The following WIPI2 variants were observed in gnomAD, a reference collection of about 807,000 sequenced individuals.
The protein encoded by WIPI2 is WD repeat domain phosphoinositide-interacting protein 2.
Under a neutral mutation model 52.3 loss-of-function variants are expected in WIPI2, and 28 were observed. The observed-to-expected ratio is 0.54, with a 90% CI of 0.40 to 0.73. The LOEUF (loss-of-function observed/expected upper bound fraction) is 0.73. Ranked by LOEUF, WIPI2 falls within the 30% of genes least tolerant of loss-of-function variation. WIPI2 has a pLI of 0.00. For synonymous variants in WIPI2, 268 were observed against 245.0 expected, an observed-to-expected ratio of 1.09 and a Z score of -0.88; for missense variants, 506 against 602.9, an observed-to-expected ratio of 0.84 and a Z score of 1.68.
chr7:5,230,607 C>A lies in WIPI2; in HGVS notation c.1253-228C>A, dbSNP rs1783683979. 6.6e-6 allele frequency among the ~76,000 whole-genome samples: 1 copy of A among 152,204 alleles called. No individual in the cohort carries two copies. Among genetic ancestry groups the A allele is most frequent in the African/African-American group, 2.4e-5 (1 of 41,446 alleles). On this transcript the variant is annotated intron_variant, in intron 12 of 12. Transcript: ENST00000288828. The surrounding 1 kb of genome is among the most constrained non-coding windows in gnomAD (Gnocchi z 4.8). ...CATGAGGGAGCCTCTGTTTACTGTGCAGGCATCATTTTGACATTTATGAAT... is the reference window on the plus strand; with the variant it reads ...CATGAGGGAGCCTCTGTTTACTGTGAAGGCATCATTTTGACATTTATGAAT...
chr7:5,230,875 G>C lies in WIPI2; in HGVS notation c.1293G>C (p.Leu431=). The part of the protein sequence containing the change: ...DDLGAVGGAC[L]EDEASALRLD... ...TGGGTGCTGTGGGTGGCGCCTGCCTGGAGGACGAGGCCAGCGCCCTGCGCC... is the reference window on the plus strand; with the variant it reads ...TGGGTGCTGTGGGTGGCGCCTGCCTCGAGGACGAGGCCAGCGCCCTGCGCC... Residue 431 remains leucine, a synonymous_variant, in exon 13 of 13, where the codon CTG becomes CTC. Coordinates refer to ENST00000288828, the MANE Select transcript of WIPI2 (RefSeq NM_015610.4). The surrounding 1 kb of genome is among the most constrained non-coding windows in gnomAD (Gnocchi z 4.8). 6.2e-7 allele frequency: 1 copy of C among 1,613,880 alleles called. No homozygotes were observed. Among genetic ancestry groups the C allele is most frequent in the Non-Finnish European group, 8.5e-7 (1 of 1,179,892 alleles).
chr7:5,223,309 C>T (rs912471251), intron 8 of WIPI2, among the ~76,000 whole-genome samples: 2 of 152,180 alleles, frequency 1.3e-5, no homozygotes, highest in Non-Finnish European at 2.9e-5. Flanking sequence ...CGGCGGGACC[C>T]CACCTCAGGT....
chr7:5,225,998 G>T, intron 9 of WIPI2, 68 bp downstream of exon 9: 2 of 1,482,398 alleles, frequency 1.3e-6, no homozygotes, highest in Non-Finnish European at 1.8e-6. Flanking sequence ...CTGCCGGGAT[G>T]AGAGGTAAGC....
intron 3 of WIPI2, among the ~76,000 whole-genome samples, chr7:5,213,831 G>A (rs370254462): frequency 1.1e-4 from 16 of 152,076 alleles, no homozygotes; most frequent in South Asian, 4.2e-4. Context: ...GACTACAGGC[G>A]CCCGCCACCA....
chr7:5,219,409 A>C (rs1782977742), intron 7 of WIPI2, among the ~76,000 whole-genome samples: 1 of 151,988 alleles, frequency 6.6e-6, no homozygotes, highest in African/African-American at 2.4e-5. Flanking sequence ...GCTCTTATAA[A>C]GGCCCAAAAG....
Position 5,217,927 on chromosome 7 carries a change from T to A in WIPI2, c.582T>A (p.Ala194=). ...TATTGGTGTCCCTTTTTCAGAGAGC[T>A]GCAAACATGATTCCGGCTCACGACA... The part of the protein sequence containing the change: ...VQVFDTINLR[A]ANMIPAHDSP... The change falls in exon 7 of 13, where the codon GCT becomes GCA. Residue 194 remains alanine, a synonymous_variant. Coordinates refer to ENST00000288828, the MANE Select transcript of WIPI2 (RefSeq NM_015610.4). 6.2e-7 allele frequency: 1 copy of A among 1,614,192 alleles called. No individual in the cohort carries two copies. Among genetic ancestry groups the A allele is most frequent in the South Asian group, 1.1e-5 (1 of 91,082 alleles).
At chr7:5,205,885 T>C in intron 3 of WIPI2, among the ~76,000 whole-genome samples, 1 of 149,066 alleles carries the variant, frequency 6.7e-6, no homozygotes, top group Middle Eastern at 3.2e-3. Context: ...TGCCACTGTT[T>C]TTTTTTTTTT....
intron 2 of WIPI2, 90 bp from the exon 3 acceptor site, chr7:5,199,486 T>G: frequency 1.8e-6 from 2 of 1,139,614 alleles, no homozygotes; most frequent in Non-Finnish European, 2.6e-6. Context: ...GGGAACTTGC[T>G]GGGAACTCGC....
At chr7:5,210,987 A>G (rs1395964983) in intron 3 of WIPI2, among the ~76,000 whole-genome samples, 1 of 152,196 alleles carries the variant, frequency 6.6e-6, no homozygotes, top group Admixed American at 6.5e-5. Flanking sequence ...GTGCTTAGGG[A>G]TACTCGACGA....
rs1364916259 is a variant in WIPI2, at chr7:5,230,201, C to T, written c.1252+463C>T. ...AAAAGTACTGCCAAGGGTTTTGCCT[C>T]AGTCTTTTCCCTCCCACCTTTTTCG... On this transcript the variant is annotated intron_variant, in intron 12 of 12. Coordinates refer to ENST00000288828, the MANE Select transcript of WIPI2 (RefSeq NM_015610.4). This position sits in a 1 kb window ranked among gnomAD's most constrained non-coding sequence, Gnocchi z 4.8. Among the ~76,000 whole-genome samples, 1 of 152,220 alleles carries T rather than the reference C, an allele frequency of 6.6e-6. No individual in the cohort carries two copies. The highest frequency in any genetic ancestry group is 2.4e-5 in the African/African-American group (1 of 41,464).
chr7:5,220,635 T>C (rs1288947108), intron 7 of WIPI2, among the ~76,000 whole-genome samples: 1 of 151,886 alleles, frequency 6.6e-6, no homozygotes, highest in Non-Finnish European at 1.5e-5. Context: ...ATCATCAGGC[T>C]TAGCTGATTT....
rs571093974 is a variant in WIPI2 at position 5,230,092 on chromosome 7, G to A, written c.1252+354G>A. On this transcript the variant is annotated intron_variant, in intron 12 of 12. Transcript: ENST00000288828. This position sits in a 1 kb window ranked among gnomAD's most constrained non-coding sequence, Gnocchi z 4.8. ...CAGGCTCATTTTCTCCGTTTTTAAA[G>A]AAAATGTCATCCTGGCTCAGGTGAC... is the stretch of plus-strand genomic sequence containing the variant. Among the ~76,000 whole-genome samples the A allele has an allele frequency of 9.5e-4, 145 of 152,172 alleles. No individual in the cohort carries two copies. Among genetic ancestry groups the A allele is most frequent in the African/African-American group, 3.2e-3 (133 of 41,516 alleles).
chr7:5,207,768 C>CTTTTTTTTTTTTTTTTT, intron 3 of WIPI2, among the ~76,000 whole-genome samples: 1 of 107,266 alleles, frequency 9.3e-6, no homozygotes, highest in Non-Finnish European at 1.8e-5. Context: ...TCCTCACTAA[C>CTTTTTTTTTTTTTTTTT]TTTTTTTTTT....
At chr7:5,226,961 C>T (rs2115316933) in intron 9 of WIPI2, 3 of 582,074 alleles carry the variant, frequency 5.2e-6, no homozygotes, top group East Asian at 3.0e-5. Flanking sequence ...TGTAGCTCCT[C>T]CCTGAAGCCT....
intron 8 of WIPI2, among the ~76,000 whole-genome samples, chr7:5,223,624 C>T (rs1783263867): frequency 6.6e-6 from 1 of 152,208 alleles, no homozygotes; most frequent in Admixed American, 6.5e-5. Flanking sequence ...CCCCCTTCCT[C>T]ACCCCCGTGG....
chr7:5,213,527 A>C (rs1458210393), intron 3 of WIPI2: 1 of 152,256 alleles, frequency 6.6e-6, no homozygotes, highest in African/African-American at 2.4e-5. Context: ...GCAGCTGGCC[A>C]CAGTATCCAG....
chr7:5,221,680 A>G (rs1400183115), intron 7 of WIPI2, among the ~76,000 whole-genome samples: 1 of 152,154 alleles, frequency 6.6e-6, no homozygotes, highest in Non-Finnish European at 1.5e-5. Context: ...ACTTGGGGGA[A>G]GTTGGCATCT....
chr7:5,221,241 G>A (rs1035768939), intron 7 of WIPI2, among the ~76,000 whole-genome samples: 1 of 152,010 alleles, frequency 6.6e-6, no homozygotes, highest in Non-Finnish European at 1.5e-5. Context: ...GATTACAGGC[G>A]TGAGTCACCG....
At chr7:5,194,472 C>T (rs1437174608) in intron 2 of WIPI2, among the ~76,000 whole-genome samples, 1 of 152,148 alleles carries the variant, frequency 6.6e-6, no homozygotes, top group Non-Finnish European at 1.5e-5. Context: ...GAGTGGCAGT[C>T]ACTGTCTCTT....
Sources: gnomAD v4.1 joint callset for allele counts (sites outside exome capture counted in the v4.1 genomes callset) on GRCh38, gnomAD v4.1.1 for gene constraint, Gnocchi (gnomAD v3.1) non-coding constraint, MANE v1.5 for transcripts, NCBI Gene and HGNC (gene_info 2026-07-23, HGNC 2026-07-21) for gene names.